MRPL2: variants seen among roughly 807,000 people sequenced by gnomAD.
The protein encoded by MRPL2 is large ribosomal subunit protein uL2m.
MRPL2 carries 27 observed loss-of-function variants against 34.6 expected under a neutral mutation model. The ratio of observed to expected loss-of-function variants is 0.78; its 90% CI spans 0.58 to 1.08. MRPL2 has a LOEUF of 1.08. MRPL2 is among the 50% of genes least tolerant of loss of function. MRPL2 has a pLI of 0.00. For missense variants in MRPL2, 414 were observed against 419.3 expected (o/e 0.99, Z 0.11); for synonymous variants, 155 against 158.0 (o/e 0.98, Z 0.14).
chr6:43,057,358 G>C (rs764410682), intron 2 of MRPL2, among the ~76,000 whole-genome samples: 1 of 149,926 alleles, frequency 6.7e-6, no homozygotes, highest in Non-Finnish European at 1.5e-5. Context: ...TTTTTTTTTT[G>C]AGACAGTCTT....
Position 43,055,601 on chromosome 6 carries a change from G to A in MRPL2, c.649C>T (p.Leu217=), listed in dbSNP as rs138496631. The change falls in exon 6 of 7, where the codon CTG becomes TTG. Residue 217 remains leucine, a synonymous_variant. Coordinates refer to ENST00000388752, the MANE Select transcript of MRPL2 (RefSeq NM_015950.5). ...IRAAGTCGVL[L]RKVNGTAIIQ... ...ATGGCTGTGCCATTCACCTTCCGCAGTAGCACACCACACGTCCCTGGGGAA... is the reference window on the plus strand; with the variant it reads ...ATGGCTGTGCCATTCACCTTCCGCAATAGCACACCACACGTCCCTGGGGAA... The A allele has an allele frequency of 3.1e-6, 5 of 1,614,076 alleles. No individual in the cohort carries two copies. The highest frequency in any genetic ancestry group is 1.7e-5 in the Admixed American group (1 of 60,014).
At position 43,058,252 on chromosome 6, in the gene MRPL2, C is replaced by T. The variant is rs1158404005; in HGVS notation, c.97-19G>A. On this transcript the variant is annotated intron_variant, in intron 1 of 6. Transcript: ENST00000388752. ...TCATCATCTAGGGATAAAAAGACAT[C>T]TCTTTCATTTGAAAGCTAATTGAAG... The T allele has an allele frequency of 1.2e-6, 2 of 1,611,490 alleles. No homozygotes were observed. Among genetic ancestry groups the T allele is most frequent in the Admixed American group, 3.3e-5 (2 of 59,830 alleles).
chr6:43,055,482 C>A, intron 6 of MRPL2, 63 bp downstream of exon 6: 1 of 1,530,030 alleles, frequency 6.5e-7, no homozygotes, highest in Non-Finnish European at 9.0e-7. Context: ...CTATCCCAGA[C>A]AGGAAAGTTA....
Position 43,054,215 on chromosome 6 carries a change from A to G in MRPL2, c.*59T>C. ...AAAAAAAACAAAAAACACCCAAAAC[A>G]AAACCACAGTAACAGATTAAAACGG... On this transcript the variant is annotated 3_prime_UTR_variant, in exon 7 of 7. Coordinates refer to ENST00000388752, the MANE Select transcript of MRPL2 (RefSeq NM_015950.5). The G allele has an allele frequency of 7.9e-7, 1 of 1,261,600 alleles. No homozygotes were observed. The highest frequency in any genetic ancestry group is 2.4e-5 in the East Asian group (1 of 41,586). The allele number at this position is 1,261,600 out of a possible 1,614,324, so 78.2% of individuals were successfully genotyped here. A position where few individuals can be genotyped will look rare whatever the true frequency, so the allele number is the denominator to read the frequency against.
chr6:43,058,135 G>C lies in MRPL2; in HGVS notation c.195C>G (p.Ser65=), dbSNP rs1458901052. The part of the protein sequence containing the change: ...TSVALNANFV[S]WKSRTKYTIT... ...TGGTGTACTTGGTACGACTCTTCCA[G>C]GACACAAAGTTGGCATTAAGGGCCA... Residue 65 remains serine (S), a synonymous_variant, in exon 2 of 7, where the codon TCC becomes TCG. Coordinates refer to ENST00000388752, the MANE Select transcript of MRPL2 (RefSeq NM_015950.5). 1 of 1,614,188 alleles carries C rather than the reference G, an allele frequency of 6.2e-7. No individual in the cohort carries two copies. The highest frequency in any genetic ancestry group is 8.5e-7 in the Non-Finnish European group (1 of 1,180,032).
intron 2 of MRPL2, 52 bp from the exon 3 acceptor site, chr6:43,056,497 T>A: frequency 6.2e-7 from 1 of 1,607,386 alleles, no homozygotes; most frequent in Non-Finnish European, 8.5e-7. Flanking sequence ...TAGTTTAGTT[T>A]CCAGCACTGG....
In MRPL2 at chr6:43,058,046, C is replaced by G; in HGVS notation, c.265+19G>C. 6.2e-7 allele frequency: 1 copy of G among 1,612,848 alleles called. No homozygotes were observed. The highest frequency in any genetic ancestry group is 8.5e-7 in the Non-Finnish European group (1 of 1,179,488). On this transcript the variant is annotated intron_variant, in intron 2 of 6. Coordinates refer to ENST00000388752, the MANE Select transcript of MRPL2 (RefSeq NM_015950.5). ...GTTTTTCCTTTTGACTGCTTAAATCCCCCTGTCCTTGTTCCCACCTGTGTG... is the reference window on the plus strand; with the variant it reads ...GTTTTTCCTTTTGACTGCTTAAATCGCCCTGTCCTTGTTCCCACCTGTGTG...
At position 43,058,888 on chromosome 6, in the gene MRPL2, T is replaced by C. The variant is rs1764980822; in HGVS notation, c.96+398A>G. On this transcript the variant is annotated intron_variant, in intron 1 of 6. Coordinates refer to ENST00000388752, the MANE Select transcript of MRPL2 (RefSeq NM_015950.5). ...CACAGGCTCTGAAAGACAGACTGTT[T>C]AGCTCTGATAGTTGGTGTGTGACCT... 5 of 482,818 alleles carry C rather than the reference T, an allele frequency of 1.0e-5. No individual in the cohort carries two copies. The South Asian group carries it at 1.4e-4, about 14-fold the overall frequency. The allele number at this position is 482,818 out of a possible 1,614,324, so 29.9% of individuals were successfully genotyped here.
At position 43,058,112 on chromosome 6, in the gene MRPL2, G is replaced by T; in HGVS notation, c.218C>A (p.Thr73Asn). ...CTTCCTCATCTTCACTGGTGTAATG[G>T]TGTACTTGGTACGACTCTTCCAGGA... The part of the protein sequence containing the change: ...FVSWKSRTKY[T>N]ITPVKMRKSG... Residue 73 changes from threonine (T) to asparagine (N), a missense_variant, in exon 2 of 7, where the codon ACC (threonine) becomes AAC (asparagine). Thr to Asn is a moderately conservative substitution (Grantham distance 65). Coordinates refer to ENST00000388752, the MANE Select transcript of MRPL2 (RefSeq NM_015950.5). 6.2e-7 allele frequency: 1 copy of T among 1,614,174 alleles called. No individual in the cohort carries two copies. The highest frequency in any genetic ancestry group is 8.5e-7 in the Non-Finnish European group (1 of 1,180,050).
In MRPL2 at chr6:43,055,042, A is replaced by C. The variant is rs148803210; in HGVS notation, c.705+503T>G. The stretch of plus-strand genomic sequence containing the variant: ...GTGAGCTGATTGTGCCACTGCACTC[A>C]AGCAATAGAGTGAAACCCTGTCTCA... On this transcript the variant is annotated intron_variant, in intron 6 of 6. Transcript: ENST00000388752. 2.0e-4 allele frequency among the ~76,000 whole-genome samples: 30 copies of C among 151,162 alleles called. 1 individual carries two copies. In the East Asian group the frequency reaches 5.1e-3, roughly 26 times the overall value.
At chr6:43,058,504 C>T (rs1224992252) in intron 1 of MRPL2, among the ~76,000 whole-genome samples, 1 of 152,234 alleles carries the variant, frequency 6.6e-6, no homozygotes, top group East Asian at 1.9e-4. Flanking sequence ...GTAGCTTCCA[C>T]ACATCCATGT....
chr6:43,056,384 A>G lies in MRPL2; in HGVS notation c.327T>C (p.Phe109=), dbSNP rs767295494. The change falls in exon 3 of 7, where the codon TTT becomes TTC. Residue 109 remains phenylalanine (F), a synonymous_variant. Transcript: ENST00000388752. ...TGGTCTCCTCAGGCCGGAAACGCAGAAAGTCAATCATTCGATAACGTTGCT... is the reference window on the plus strand; with the variant it reads ...TGGTCTCCTCAGGCCGGAAACGCAGGAAGTCAATCATTCGATAACGTTGCT... ...GHKQRYRMID[F]LRFRPEETKS... is the part of the protein sequence containing the mutation. 2 of 1,614,226 alleles carry G rather than the reference A, an allele frequency of 1.2e-6. No homozygotes were observed. Among genetic ancestry groups the G allele is most frequent in the Admixed American group, 1.7e-5 (1 of 60,028 alleles).
At chr6:43,059,557 TA>T, upstream of MRPL2, 1 of 1,425,170 alleles carries the variant, frequency 7.0e-7, no homozygotes, top group African/African-American at 1.4e-5. Context: ...CGGGCAGCTC[TA>T]ATGTCGCGTG....
Position 43,055,612 on chromosome 6 carries a change from C to G in MRPL2, c.638G>C (p.Cys213Ser). 6.2e-7 allele frequency: 1 copy of G among 1,614,110 alleles called. No homozygotes were observed. Among genetic ancestry groups the G allele is most frequent in the South Asian group, 1.1e-5 (1 of 91,080 alleles). ...ATTCACCTTCCGCAGTAGCACACCA[C>G]ACGTCCCTGGGGAAAGAAGCTGATT... ...GAQYIRAAGT[C>S]GVLLRKVNGT... Residue 213 changes from cysteine (C) to serine (S), a missense_variant, in exon 6 of 7, where the codon TGT (cysteine) becomes TCT (serine). Cys to Ser is a moderately radical substitution (Grantham distance 112). Transcript: ENST00000388752.
At position 43,059,382 on chromosome 6, in the gene MRPL2, C is replaced by T; in HGVS notation, c.-1G>A. On this transcript the variant is annotated 5_prime_UTR_variant, in exon 1 of 7. Coordinates refer to ENST00000388752, the MANE Select transcript of MRPL2 (RefSeq NM_015950.5). The stretch of plus-strand genomic sequence containing the variant: ...CGCGGGTCAGTGCGCACAGGGCCAT[C>T]AGCACGACACCCTTACTTTTAGCCA... The T allele has an allele frequency of 6.5e-7, 1 of 1,546,846 alleles. No homozygotes were observed. Among genetic ancestry groups the T allele is most frequent in the Non-Finnish European group, 8.7e-7 (1 of 1,143,838 alleles).
In MRPL2 at chr6:43,054,182, A is replaced by C. The variant is rs1161728159; in HGVS notation, c.*92T>G. ...CCATCCCCTCCCCCGCAAAAAAAAA[A>C]CAACAACAAAAAAAACAAAAAACAC... On this transcript the variant is annotated 3_prime_UTR_variant, in exon 7 of 7. Transcript: ENST00000388752. 5.0e-6 allele frequency: 5 copies of C among 1,004,384 alleles called. No individual in the cohort carries two copies. The highest frequency in any genetic ancestry group is 5.8e-6 in the Non-Finnish European group (4 of 684,326). 62.2% of individuals were successfully genotyped at this position (1,004,384 alleles called of 1,614,324 possible). A position where few individuals can be genotyped will look rare whatever the true frequency, so the allele number is the denominator to read the frequency against.
At chr6:43,058,433 C>T (rs1340376402) in intron 1 of MRPL2, among the ~76,000 whole-genome samples, 200 bp from the exon 2 acceptor site, 1 of 152,182 alleles carries the variant, frequency 6.6e-6, no homozygotes, top group Non-Finnish European at 1.5e-5. Context: ...CCAAATTTGG[C>T]TCAGAACTCT....
Position 43,056,391 on chromosome 6 carries a change from A to G in MRPL2, c.320T>C (p.Ile107Thr). 1.2e-6 allele frequency: 2 copies of G among 1,614,176 alleles called. No homozygotes were observed. Among genetic ancestry groups the G allele is most frequent in the Non-Finnish European group, 1.7e-6 (2 of 1,180,030 alleles). The change falls in exon 3 of 7, where the codon ATT becomes ACT. Residue 107 changes from isoleucine (I) to threonine (T), a missense_variant. Ile to Thr is a moderately conservative substitution (Grantham distance 89). Transcript: ENST00000388752. ...CTCAGGCCGGAAACGCAGAAAGTCA[A>G]TCATTCGATAACGTTGCTTGTGGCC... Reference protein sequence around the residue: ...GGGHKQRYRMIDFLRFRPEET... With the variant: ...GGGHKQRYRMTDFLRFRPEET...
rs1483043389 is a variant in MRPL2 at position 43,054,153 on chromosome 6, T to C, written c.*121A>G. ...TTACTTCTTTTCCCCACGTTTAGTC[T>C]GTACCATCCCCTCCCCCGCAAAAAA... On this transcript the variant is annotated 3_prime_UTR_variant, in exon 7 of 7. Transcript: ENST00000388752. 1 of 815,450 alleles carries C rather than the reference T, an allele frequency of 1.2e-6. No individual in the cohort carries two copies. Among genetic ancestry groups the C allele is most frequent in the Non-Finnish European group, 1.9e-6 (1 of 519,112 alleles). The allele number at this position is 815,450 out of a possible 1,614,324, so 50.5% of individuals were successfully genotyped here.
Sources: gnomAD v4.1 joint callset for allele counts (sites outside exome capture counted in the v4.1 genomes callset) on GRCh38, gnomAD v4.1.1 for gene constraint, MANE v1.5 for transcripts, NCBI Gene and HGNC (gene_info 2026-07-23, HGNC 2026-07-21) for gene names.